Variants in MOV10 observed in about 807,000 individuals in gnomAD.
MOV10 encodes the protein Mov10 RNA helicase, also known as RNA helicase MOV-10.
A neutral mutation model predicts 108.4 loss-of-function variants in MOV10; 39 were observed. The observed-to-expected ratio is 0.36, with a 90% confidence interval of 0.28 to 0.47. MOV10 has a LOEUF of 0.47. MOV10 is among the 20% of genes least tolerant of loss of function. The pLI is 1.00. For synonymous variants in MOV10, 490 were observed against 523.1 expected (o/e 0.94, Z 0.86); for missense variants, 952 against 1,297.6 (o/e 0.73, Z 4.09).
intron 2 of MOV10, among the ~76,000 whole-genome samples, chr1:112,676,757 A>G (rs1672228989): frequency 6.6e-6 from 1 of 152,154 alleles, no homozygotes; most frequent in African/African-American, 2.4e-5. Flanking sequence ...AAGGGTGAGG[A>G]GTCTCACTAA....
In MOV10 at chr1:112,696,248, G is replaced by A; in HGVS notation, c.1880G>A (p.Gly627Asp). 1 of 1,607,930 alleles carries A rather than the reference G, an allele frequency of 6.2e-7. No individual in the cohort carries two copies. Among genetic ancestry groups the A allele is most frequent in the African/African-American group, 1.3e-5 (1 of 74,884 alleles). ...TTAATTACCACCCTCATCACTGCCGGCAGGTGGGGAGTGTGTGTGGGTGTG... is the reference window on the plus strand; with the variant it reads ...TTAATTACCACCCTCATCACTGCCGACAGGTGGGGAGTGTGTGTGGGTGTG... ...RVLITTLITAGRLVSAQFPID... is the reference protein window; with the variant it reads ...RVLITTLITADRLVSAQFPID... Residue 627 changes from glycine to aspartate, a missense_variant, in exon 12 of 21, where the codon GGC becomes GAC. Gly to Asp is a moderately conservative substitution (Grantham distance 94). Transcript: ENST00000369645.
intron 15 of MOV10, 58 bp from the exon 16 acceptor site, chr1:112,698,229 A>G: frequency 1.9e-6 from 3 of 1,601,958 alleles, no homozygotes; most frequent in Non-Finnish European, 2.6e-6. Context: ...GGGTTTGGGA[A>G]GGGAGGGAAT....
At chr1:112,700,101 G>A (rs1189006614) in intron 19 of MOV10, 118 bp from the exon 20 acceptor site, 1 of 1,585,058 alleles carries the variant, frequency 6.3e-7, no homozygotes, top group African/African-American at 1.3e-5. Context: ...CATTTTCACA[G>A]CATCACTATT....
chr1:112,697,139 G>A (rs899035527), intron 14 of MOV10, among the ~76,000 whole-genome samples: 3 of 152,092 alleles, frequency 2.0e-5, no homozygotes, highest in Non-Finnish European at 2.9e-5. Flanking sequence ...GAAGTTTTCA[G>A]GCAATCCAAG....
intron 2 of MOV10, chr1:112,688,585 TC>T: frequency 8.4e-7 from 1 of 1,189,362 alleles, no homozygotes. Context: ...TTCTTTTCTG[TC>T]CCAAACAGTT....
rs1353776030 is a variant in MOV10 at position 112,697,819 on chromosome 1, G to A, written c.2199-175G>A. Reference sequence around the variant, plus strand: ...GCTCTCTGGAACTATATTTGGTTCTGCTTTCTGTGGTTTACAGTGCCTGGC... The same window carrying A: ...GCTCTCTGGAACTATATTTGGTTCTACTTTCTGTGGTTTACAGTGCCTGGC... On this transcript the variant is annotated intron_variant, in intron 14 of 20. Transcript: ENST00000369645. 5 of 654,396 alleles carry A rather than the reference G, an allele frequency of 7.6e-6. No individual in the cohort carries two copies. In the Admixed American group the frequency reaches 1.1e-4, roughly 15 times the overall value. 40.5% of individuals were successfully genotyped at this position (654,396 alleles called of 1,614,324 possible).
intron 2 of MOV10, among the ~76,000 whole-genome samples, chr1:112,685,712 T>A (rs1485394947): frequency 4.1e-5 from 6 of 146,240 alleles, no homozygotes; most frequent in Admixed American, 7.0e-5. Context: ...TATAGAGGAT[T>A]ACATGTATAA....
In MOV10 at chr1:112,698,854, C is replaced by T. The variant is rs1674359437; in HGVS notation, c.2583+65C>T. Reference sequence around the variant, plus strand: ...GCCCCCACTTGCCCACTTCCAGAGACTTCCTCAAGCTTCCACTCCAGCCCA... The same window carrying T: ...GCCCCCACTTGCCCACTTCCAGAGATTTCCTCAAGCTTCCACTCCAGCCCA... On this transcript the variant is annotated intron_variant, in intron 17 of 20. Transcript: ENST00000369645. The T allele has an allele frequency of 3.0e-6, 4 of 1,333,464 alleles. No individual in the cohort carries two copies. In the South Asian group the frequency reaches 4.7e-5, roughly 16 times the overall value. 82.6% of individuals were successfully genotyped at this position (1,333,464 alleles called of 1,614,324 possible).
At chr1:112,689,267 G>A (rs1204652646) in intron 3 of MOV10, 129 bp downstream of exon 3, 16 of 1,229,822 alleles carry the variant, frequency 1.3e-5, no homozygotes, top group Non-Finnish European at 1.7e-5. Flanking sequence ...AATGGGGGAA[G>A]GGCAGGGAAC....
At position 112,694,224 on chromosome 1, in the gene MOV10, C is replaced by G. The variant is rs778511778; in HGVS notation, c.1295+52C>G. On this transcript the variant is annotated intron_variant, in intron 8 of 20. Coordinates refer to ENST00000369645, the MANE Select transcript of MOV10 (RefSeq NM_001321324.2). This position sits in a 1 kb window ranked among gnomAD's most constrained non-coding sequence, Gnocchi z 4.1. Reference sequence around the variant, plus strand: ...CTGGAAGGGTCTACAGACTTCTGACCCCAGGGGAGGAGGAGTGTTTCTCCC... The same window carrying G: ...CTGGAAGGGTCTACAGACTTCTGACGCCAGGGGAGGAGGAGTGTTTCTCCC... 1 of 1,603,946 alleles carries G rather than the reference C, an allele frequency of 6.2e-7. No individual in the cohort carries two copies. Among genetic ancestry groups the G allele is most frequent in the South Asian group, 1.1e-5 (1 of 90,742 alleles).
chr1:112,691,764 T>C lies in MOV10; in HGVS notation c.936T>C (p.Ser312=), dbSNP rs556350093. ...TCCCCATGCTTCTTCAGGGAACAAG[T>C]ATCTTCACTGCCCCTAAGGAGATCG... ...QLLPMLLQGT[S]IFTAPKEIAE... is the part of the protein sequence containing the mutation. The change falls in exon 6 of 21, where the codon AGT becomes AGC. Residue 312 remains serine, a synonymous_variant. Transcript: ENST00000369645. The C allele has an allele frequency of 1.2e-6, 2 of 1,614,136 alleles. No individual in the cohort carries two copies. Among genetic ancestry groups the C allele is most frequent in the African/African-American group, 1.3e-5 (1 of 75,018 alleles).
At chr1:112,697,416 G>A (rs1276106116) in intron 14 of MOV10, among the ~76,000 whole-genome samples, 1 of 152,212 alleles carries the variant, frequency 6.6e-6, no homozygotes, top group African/African-American at 2.4e-5. Context: ...GTTGCAGTGA[G>A]CTGAGATCGC....
At chr1:112,680,388 G>A (rs1672527352) in intron 2 of MOV10, among the ~76,000 whole-genome samples, 1 of 152,038 alleles carries the variant, frequency 6.6e-6, no homozygotes, top group African/African-American at 2.4e-5. Flanking sequence ...CGGGCGCGGT[G>A]GCTCACGCCT....
At chr1:112,699,482 A>C in intron 17 of MOV10, 1 of 1,425,046 alleles carries the variant, frequency 7.0e-7, no homozygotes, top group South Asian at 1.5e-5. Context: ...CCCAGCCCTC[A>C]GCAGGATTCA....
intron 3 of MOV10, 120 bp downstream of exon 3, chr1:112,689,258 A>T: frequency 1.6e-6 from 2 of 1,250,104 alleles, no homozygotes; most frequent in South Asian, 2.7e-5. Context: ...CCTTCAGGGA[A>T]TGGGGGAAGG....
rs1353367054 is a variant in MOV10 at position 112,696,510 on chromosome 1, C to A, written c.1957C>A (p.Pro653Thr). The A allele has an allele frequency of 6.2e-7, 1 of 1,613,966 alleles. No homozygotes were observed. Among genetic ancestry groups the A allele is most frequent in the Middle Eastern group, 1.6e-4 (1 of 6,062 alleles). The change falls in exon 13 of 21, where the codon CCT becomes ACT. Residue 653 changes from proline (P) to threonine (T), a missense_variant. Physicochemically the swap from Pro to Thr is conservative, Grantham distance 38 (BLOSUM62 -1). Transcript: ENST00000369645. ...FIDEAGHCME[P>T]ESLVAIAGLM... ...CGATGAGGCTGGCCACTGCATGGAG[C>A]CTGAGAGTCTGGTAGCTATAGCAGG...
chr1:112,698,272 C>T lies in MOV10; in HGVS notation c.2317-15C>T, dbSNP rs766986934. 34 of 1,609,134 alleles carry T rather than the reference C, an allele frequency of 2.1e-5. No individual in the cohort carries two copies. The highest frequency in any genetic ancestry group is 4.4e-5 in the South Asian group (4 of 90,630). On this transcript the variant is annotated splice_polypyrimidine_tract_variant and intron_variant, in intron 15 of 20. Transcript: ENST00000369645. ...GGGTGGTCTGGCTGACGGTTTCCCCCGACCCCATGTCCAGGGCTTTCCCAT... is the reference window on the plus strand; with the variant it reads ...GGGTGGTCTGGCTGACGGTTTCCCCTGACCCCATGTCCAGGGCTTTCCCAT...
At chr1:112,680,611 G>A (rs12126684) in intron 2 of MOV10, among the ~76,000 whole-genome samples, 25,940 of 124,392 alleles carry the variant, frequency 0.21, 3,039 homozygotes, top group East Asian at 0.5. Flanking sequence ...AGCCGAGATT[G>A]TACCACTGCA....
At chr1:112,692,528 T>C (rs945840926) in intron 6 of MOV10, among the ~76,000 whole-genome samples, 4 of 152,200 alleles carry the variant, frequency 2.6e-5, no homozygotes, top group Admixed American at 1.3e-4. Context: ...AGAGCCACCA[T>C]GCAAATGCAA....
Sources: gnomAD v4.1 joint callset for allele counts (sites outside exome capture counted in the v4.1 genomes callset) on GRCh38, gnomAD v4.1.1 for gene constraint, Gnocchi (gnomAD v3.1) non-coding constraint, MANE v1.5 for transcripts, NCBI Gene and HGNC (gene_info 2026-07-23, HGNC 2026-07-21) for gene names.